SFMBT1: variants seen among roughly 807,000 people sequenced by gnomAD.
SFMBT1 encodes scm-like with four MBT domains protein 1.
In SFMBT1, 32 loss-of-function variants were observed where a neutral mutation model predicts 108.7. The observed-to-expected ratio is 0.29, with a 90% confidence interval of 0.22 to 0.40. The LOEUF (loss-of-function observed/expected upper bound fraction) is 0.40, where lower values mean the gene tolerates loss of function less well. Among genes scored for constraint, SFMBT1 ranks in the 10% least tolerant of loss-of-function variants. The pLI is 1.00. For synonymous variants in SFMBT1, 348 were observed against 369.5 expected, an observed-to-expected ratio of 0.94 and a Z score of 0.67; for missense variants, 816 against 1,059.6, an observed-to-expected ratio of 0.77 and a Z score of 3.19.
chr3:52,972,389 T>G (rs1704375134), intron 1 of SFMBT1, among the ~76,000 whole-genome samples: 1 of 152,156 alleles, frequency 6.6e-6, no homozygotes, highest in African/African-American at 2.4e-5. Flanking sequence ...ACTGATGAAG[T>G]CTTCTGCTGT....
intron 3 of SFMBT1, among the ~76,000 whole-genome samples, chr3:52,949,383 C>T (rs1703489731): frequency 1.3e-5 from 2 of 152,074 alleles, no homozygotes; most frequent in African/African-American, 2.4e-5. Flanking sequence ...CCTGCTGGAT[C>T]TGTCCATTTT....
At chr3:52,970,295 G>C (rs1032434429) in intron 1 of SFMBT1, among the ~76,000 whole-genome samples, 1 of 152,050 alleles carries the variant, frequency 6.6e-6, no homozygotes, top group African/African-American at 2.4e-5. Context: ...CCATCCCTAA[G>C]CTCAAGCAAC....
At chr3:53,001,129 G>A (rs1385681074) in intron 1 of SFMBT1, among the ~76,000 whole-genome samples, 1 of 150,304 alleles carries the variant, frequency 6.7e-6, no homozygotes, top group Non-Finnish European at 1.5e-5. Flanking sequence ...TTCTTTACAA[G>A]TGGTCATCGA....
intron 1 of SFMBT1, chr3:53,019,256 CACTGCACTCCAGCCTGGGCAACAGAGAA>C (rs551510526): frequency 6.6e-6 from 1 of 152,190 alleles, no homozygotes; most frequent in East Asian, 1.9e-4. Context: ...ATGATTGTAT[CACTGCACTCCAGCCTGGGCAACAGAGAA>C]AGACCTTGTC....
intron 9 of SFMBT1, among the ~76,000 whole-genome samples, chr3:52,926,536 C>T (rs1702664465): frequency 6.6e-6 from 1 of 152,228 alleles, no homozygotes; most frequent in African/African-American, 2.4e-5. Context: ...AGTTAATCTG[C>T]AAAGACGAAG....
chr3:52,987,315 C>A (rs767431971), intron 1 of SFMBT1, among the ~76,000 whole-genome samples: 29 of 152,118 alleles, frequency 1.9e-4, no homozygotes, highest in Non-Finnish European at 3.2e-4. Context: ...ATGTACTGTA[C>A]ATAACTGTAT....
At chr3:53,024,557 G>A (rs1295403351) in intron 1 of SFMBT1, among the ~76,000 whole-genome samples, 4 of 152,174 alleles carry the variant, frequency 2.6e-5, no homozygotes, top group Non-Finnish European at 5.9e-5. Context: ...TTGCTAACAG[G>A]GTCGTTGTGT....
intron 1 of SFMBT1, among the ~76,000 whole-genome samples, chr3:53,010,204 C>A (rs980139534): frequency 1.3e-5 from 2 of 152,240 alleles, no homozygotes; most frequent in Admixed American, 1.3e-4. Flanking sequence ...TGGATTCTCT[C>A]ATTCTCAACA....
Position 52,969,154 on chromosome 3 carries a change from T to A in SFMBT1, c.-26A>T. 1 of 1,613,798 alleles carries A rather than the reference T, an allele frequency of 6.2e-7. No homozygotes were observed. Among genetic ancestry groups the A allele is most frequent in the Non-Finnish European group, 8.5e-7 (1 of 1,179,896 alleles). ...TTCCACAGCATATAGGCAGGCTATA[T>A]CCTCCCAAAACAAAGGAAAGGCCTA... On this transcript the variant is annotated 5_prime_UTR_variant, in exon 2 of 21. Coordinates refer to ENST00000394752, the MANE Select transcript of SFMBT1 (RefSeq NM_016329.4).
At chr3:52,940,377 A>T (rs976052366) in intron 4 of SFMBT1, among the ~76,000 whole-genome samples, 1 of 152,274 alleles carries the variant, frequency 6.6e-6, no homozygotes, top group Non-Finnish European at 1.5e-5. Flanking sequence ...AAACTGCTTA[A>T]AGAAAAATAA....
intron 20 of SFMBT1, 29 bp downstream of exon 20, chr3:52,906,084 T>C (rs1702057940): frequency 1.2e-6 from 2 of 1,611,042 alleles, no homozygotes; most frequent in South Asian, 2.2e-5. Flanking sequence ...AAAGAGACAT[T>C]ACTAAAAATT....
intron 1 of SFMBT1, chr3:53,019,032 G>C (rs1199367117): frequency 6.6e-6 from 1 of 152,230 alleles, no homozygotes; most frequent in Non-Finnish European, 1.5e-5. Flanking sequence ...ACTCATACCT[G>C]TAATCCCAGC....
chr3:52,948,825 A>ATTTGTTTTT (rs1703468636), intron 3 of SFMBT1, among the ~76,000 whole-genome samples: 1 of 78,284 alleles, frequency 1.3e-5, no homozygotes, highest in Admixed American at 1.7e-4. Flanking sequence ...CTAATTTTTA[A>ATTTGTTTTT]TTTTTTTTTT....
intron 1 of SFMBT1, among the ~76,000 whole-genome samples, chr3:53,020,175 G>T (rs1354434382): frequency 6.6e-6 from 1 of 151,938 alleles, no homozygotes; most frequent in Non-Finnish European, 1.5e-5. Flanking sequence ...GATCACCTAA[G>T]GTCAGGAGTT....
intron 3 of SFMBT1, among the ~76,000 whole-genome samples, chr3:52,948,037 T>TG (rs1703432452): frequency 6.6e-6 from 1 of 152,232 alleles, no homozygotes; most frequent in Non-Finnish European, 1.5e-5. Context: ...ACCCAGCTGC[T>TG]TTTTCTGTAT....
chr3:52,974,152 A>AAAAAC (rs1031538630), intron 1 of SFMBT1, among the ~76,000 whole-genome samples: 71 of 152,304 alleles, frequency 4.7e-4, no homozygotes, highest in African/African-American at 1.4e-3. Flanking sequence ...CGGTGGCTGG[A>AAAAAC]AAAACAAAAC....
intron 4 of SFMBT1, among the ~76,000 whole-genome samples, chr3:52,939,179 G>A (rs765867664): frequency 1.2e-4 from 19 of 152,120 alleles, no homozygotes; most frequent in Non-Finnish European, 2.5e-4. Flanking sequence ...ACTTTCATTA[G>A]AACAATTTTG....
intron 1 of SFMBT1, among the ~76,000 whole-genome samples, chr3:52,992,187 A>C (rs1251280968): frequency 6.6e-6 from 1 of 152,240 alleles, no homozygotes; most frequent in African/African-American, 2.4e-5. Context: ...CACATAGCTG[A>C]GAGAACTAAC....
chr3:52,941,739 A>C (rs1703191675), intron 4 of SFMBT1, among the ~76,000 whole-genome samples: 1 of 151,966 alleles, frequency 6.6e-6, no homozygotes, highest in Admixed American at 6.6e-5. Context: ...TCTACAAAAA[A>C]GTTTAAAAAT....
Sources: gnomAD v4.1 joint callset for allele counts (sites outside exome capture counted in the v4.1 genomes callset) on GRCh38, gnomAD v4.1.1 for gene constraint, MANE v1.5 for transcripts, NCBI Gene and HGNC (gene_info 2026-07-23, HGNC 2026-07-21) for gene names.